The following RAI2 variants were observed in gnomAD, a reference collection of about 807,000 sequenced individuals.
RAI2 encodes the protein retinoic acid induced 2, also known as retinoic acid-induced protein 2.
A neutral mutation model predicts 15.3 loss-of-function variants in RAI2; 5 were observed. The ratio of observed to expected loss-of-function variants is 0.33; its 90% CI spans 0.17 to 0.69. RAI2 has a LOEUF of 0.69. Among genes scored for constraint, RAI2 ranks in the 30% least tolerant of loss-of-function variants. The pLI, the probability that RAI2 is intolerant of heterozygous loss-of-function variation, is 0.69. For missense variants in RAI2, 424 were observed against 424.7 expected (o/e 1.00, Z 0.01); for synonymous variants, 191 against 184.0 (o/e 1.04, Z -0.31).
intron 1 of RAI2, among the ~76,000 whole-genome samples, chrX:17,839,805 A>T (rs184207745): frequency 8.9e-6 from 1 of 112,794 alleles, no homozygotes; most frequent in Admixed American, 9.4e-5. Context: ...TATTACACCA[A>T]ATATTACCCA....
chrX:17,831,077 G>A (rs1311218725), intron 1 of RAI2, among the ~76,000 whole-genome samples: 1 of 111,300 alleles, frequency 9.0e-6, no homozygotes, highest in Non-Finnish European at 1.9e-5. Flanking sequence ...GCACCCTCTG[G>A]GCTGAGGAAG....
intron 1 of RAI2, among the ~76,000 whole-genome samples, chrX:17,838,191 G>C (rs1324448290): frequency 1.8e-5 from 2 of 112,189 alleles, no homozygotes; most frequent in Non-Finnish European, 3.8e-5. Context: ...GACTAGAAAT[G>C]GGCTCAAGGG....
At chrX:17,848,248 C>T (rs1449271942) in intron 1 of RAI2, among the ~76,000 whole-genome samples, 2 of 63,491 alleles carry the variant, frequency 3.2e-5, no homozygotes, top group Non-Finnish European at 5.9e-5. Context: ...GACCAAGCCA[C>T]AAAAAAAGAC....
At chrX:17,828,733 G>C (rs2067251957) in intron 1 of RAI2, among the ~76,000 whole-genome samples, 2 of 111,562 alleles carry the variant, frequency 1.8e-5, no homozygotes, top group Non-Finnish European at 3.8e-5. Context: ...ATCAGATTTA[G>C]GATGGGAGCG....
intron 1 of RAI2, among the ~76,000 whole-genome samples, chrX:17,842,655 G>GAA (rs780365815): frequency 3.0e-4 from 20 of 66,379 alleles, no homozygotes; most frequent in African/African-American, 9.8e-4. Flanking sequence ...ATATGTATAG[G>GAA]AAAAAAAAAA....
chrX:17,850,947 C>G, intron 1 of RAI2, among the ~76,000 whole-genome samples: 1 of 112,955 alleles, frequency 8.9e-6, no homozygotes, highest in African/African-American at 3.2e-5. Context: ...TTTCACTTTT[C>G]TTCCACTTCA....
At position 17,800,962 on chromosome X, in the gene RAI2, T is replaced by C. The variant is rs745333970; in HGVS notation, c.1049A>G (p.His350Arg). The change falls in exon 2 of 2, where the codon CAC (histidine) becomes CGC (arginine). Residue 350 changes from histidine to arginine, a missense_variant. Physicochemically the swap from His to Arg is conservative, Grantham distance 29. Transcript: ENST00000451717. ...DAALDLSVAA[H>R]RKSEPPPETL... ...CTCAGGGGGAGGCTCGGATTTCCGG[T>C]GGGCTGCCACTGACAGGTCTAGGGC... The C allele has an allele frequency of 3.3e-5, 40 of 1,208,896 alleles. No homozygotes were observed. Among genetic ancestry groups the C allele is most frequent in the Non-Finnish European group, 4.2e-5 (38 of 894,683 alleles).
intron 1 of RAI2, among the ~76,000 whole-genome samples, chrX:17,816,242 T>C (rs2067106691): frequency 9.0e-6 from 1 of 111,189 alleles, no homozygotes; most frequent in South Asian, 3.9e-4. Context: ...GTTGGATTGT[T>C]GCTTCCCATC....
chrX:17,827,952 A>G (rs1309277351), intron 1 of RAI2, among the ~76,000 whole-genome samples: 1 of 110,513 alleles, frequency 9.0e-6, no homozygotes, highest in East Asian at 2.8e-4. Context: ...TAGGCCAGCA[A>G]TTCTAAACCT....
rs762426116 is a variant in RAI2, at chrX:17,851,143, G to T, written c.-25+9955C>A. On this transcript the variant is annotated intron_variant, in intron 1 of 1. Coordinates refer to ENST00000451717, the MANE Select transcript of RAI2 (RefSeq NM_021785.6). Reference sequence around the variant, plus strand: ...GCACAAACAAAGCTTGGGGTTTCTGGTGTGGCTGTGTCGAACATGGAAGGG... The same window carrying T: ...GCACAAACAAAGCTTGGGGTTTCTGTTGTGGCTGTGTCGAACATGGAAGGG... Among the ~76,000 whole-genome samples, 4 of 112,265 alleles carry T rather than the reference G, an allele frequency of 3.6e-5. No individual in the cohort carries two copies. The East Asian group carries it at 1.1e-3, about 32-fold the overall frequency.
In RAI2 at chrX:17,801,472, G is replaced by A; in HGVS notation, c.539C>T (p.Pro180Leu). 2 of 1,173,366 alleles carry A rather than the reference G, an allele frequency of 1.7e-6. No homozygotes were observed. The highest frequency in any genetic ancestry group is 2.0e-5 in the South Asian group (1 of 50,194). ...GAGCACAGCTTCAAATGGCAAAGTG[G>A]GCTCCTGCGGCTGGCTGGGGATCCT... is the stretch of plus-strand genomic sequence containing the variant. ...DLRIPSQPQE[P>L]TLPFEAVLQN... Residue 180 changes from proline to leucine, a missense_variant, in exon 2 of 2, where the codon CCC becomes CTC. By Grantham distance (98) the Pro-to-Leu change is moderately conservative (BLOSUM62 -3). Coordinates refer to ENST00000451717, the MANE Select transcript of RAI2 (RefSeq NM_021785.6).
chrX:17,841,154 C>CT (rs925270160), intron 1 of RAI2, among the ~76,000 whole-genome samples: 15 of 110,690 alleles, frequency 1.4e-4, no homozygotes, highest in Admixed American at 8.6e-4. Flanking sequence ...GTTTAAGCCT[C>CT]TTTTTTATCA....
At chrX:17,852,075 C>T (rs1203794684) in intron 1 of RAI2, among the ~76,000 whole-genome samples, 1 of 111,940 alleles carries the variant, frequency 8.9e-6, no homozygotes, top group Non-Finnish European at 1.9e-5. Context: ...CCTATTTCCT[C>T]TCCCAGTGTT....
At chrX:17,816,124 T>C (rs2067105767) in intron 1 of RAI2, among the ~76,000 whole-genome samples, 1 of 104,577 alleles carries the variant, frequency 9.6e-6, no homozygotes, top group African/African-American at 3.5e-5. Context: ...TAATAAACCA[T>C]TTACTAAGCA....
chrX:17,822,343 A>G (rs1353401659), intron 1 of RAI2, among the ~76,000 whole-genome samples: 1 of 112,077 alleles, frequency 8.9e-6, no homozygotes, highest in South Asian at 3.7e-4. Flanking sequence ...AACAGGAGAG[A>G]GACCCGTGAC....
intron 1 of RAI2, among the ~76,000 whole-genome samples, chrX:17,814,180 A>G (rs2067080392): frequency 9.2e-6 from 1 of 109,006 alleles, no homozygotes; most frequent in Non-Finnish European, 1.9e-5. Flanking sequence ...CTGAAGCTCA[A>G]TTCCACTGGG....
intron 1 of RAI2, among the ~76,000 whole-genome samples, chrX:17,835,955 G>A (rs2067329195): frequency 8.9e-6 from 1 of 111,942 alleles, no homozygotes; most frequent in South Asian, 3.7e-4. Context: ...TTTTTTACAG[G>A]AAACAACCTA....
chrX:17,846,355 G>T (rs11094733), intron 1 of RAI2, among the ~76,000 whole-genome samples: 2,189 of 111,642 alleles, frequency 0.02, 57 homozygotes, highest in African/African-American at 0.066. Flanking sequence ...GACAGGATGG[G>T]TGGTCATGCT....
chrX:17,826,888 C>A (rs2067232730), intron 1 of RAI2, among the ~76,000 whole-genome samples: 2 of 112,308 alleles, frequency 1.8e-5, no homozygotes, highest in Middle Eastern at 4.6e-3. Context: ...GAGACCTCCC[C>A]AGTCATGTGG....
Sources: allele counts gnomAD v4.1 joint callset (sites outside exome capture counted in the v4.1 genomes callset), GRCh38; gene constraint gnomAD v4.1.1; transcripts MANE v1.5; gene names NCBI Gene and HGNC (gene_info 2026-07-23, HGNC 2026-07-21).